Variants in TMEM135 observed in about 807,000 individuals in gnomAD.
TMEM135 encodes transmembrane protein 135.
TMEM135 carries 30 observed loss-of-function variants against 60.3 expected under a neutral mutation model. That is an observed-to-expected ratio of 0.50 (90% CI 0.37 to 0.68). The LOEUF (loss-of-function observed/expected upper bound fraction) is 0.68, where lower values mean the gene tolerates loss of function less well. Among genes scored for constraint, TMEM135 ranks in the 30% least tolerant of loss-of-function variants. The probability of loss-of-function intolerance (pLI) is 0.00; values close to 1 mark genes in which losing one functional copy is unlikely to be tolerated. For synonymous variants in TMEM135, 190 were observed against 186.7 expected, an observed-to-expected ratio of 1.02 and a Z score of -0.14; for missense variants, 468 against 548.8, an observed-to-expected ratio of 0.85 and a Z score of 1.47.
rs531908527 is a variant in TMEM135 at position 87,134,627 on chromosome 11, A to T, written c.397-22714A>T. ...CTCCTGAGTAGCTGGGACTGTAGGC[A>T]TGTGCCACCAGGCCTGGCTTATTTA... On this transcript the variant is annotated intron_variant, in intron 4 of 14. Coordinates refer to ENST00000305494, the MANE Select transcript of TMEM135 (RefSeq NM_022918.4). Among the ~76,000 whole-genome samples the T allele has an allele frequency of 1.4e-4, 21 of 152,236 alleles. No homozygotes were observed. The East Asian group carries it at 4.1e-3, about 29-fold the overall frequency.
At chr11:87,240,056 G>T (rs920375964) in intron 6 of TMEM135, among the ~76,000 whole-genome samples, 1 of 152,028 alleles carries the variant, frequency 6.6e-6, no homozygotes, top group Non-Finnish European at 1.5e-5. Context: ...AATGTGAAAT[G>T]CTTCAAGGCT....
At chr11:87,079,143 C>A (rs1334541524) in intron 3 of TMEM135, among the ~76,000 whole-genome samples, 1 of 152,052 alleles carries the variant, frequency 6.6e-6, no homozygotes, top group Non-Finnish European at 1.5e-5. Flanking sequence ...GTAGCTGGAA[C>A]TACAGGTGCA....
chr11:87,145,507 A>G (rs1338189008), intron 4 of TMEM135, among the ~76,000 whole-genome samples: 1 of 152,100 alleles, frequency 6.6e-6, no homozygotes, highest in Non-Finnish European at 1.5e-5. Flanking sequence ...AAACTTCTAT[A>G]CTTTTTTCCA....
intron 5 of TMEM135, among the ~76,000 whole-genome samples, chr11:87,196,056 A>G (rs1458423834): frequency 6.6e-6 from 1 of 152,110 alleles, no homozygotes; most frequent in Non-Finnish European, 1.5e-5. Context: ...TGGCAGTTAT[A>G]AACTTGTATG....
rs560925562 is a variant in TMEM135 at position 87,071,450 on chromosome 11, G to C, written c.270-73G>C. 2.0e-3 allele frequency: 2,259 copies of C among 1,139,484 alleles called. 7 individuals carry two copies. Among genetic ancestry groups the C allele is most frequent in the Non-Finnish European group, 2.6e-3 (1,982 of 750,546 alleles). The allele number at this position is 1,139,484 out of a possible 1,614,324, so 70.6% of individuals were successfully genotyped here. On this transcript the variant is annotated intron_variant, in intron 2 of 14. Coordinates refer to ENST00000305494, the MANE Select transcript of TMEM135 (RefSeq NM_022918.4). ...TTTAAATAGAGTATGGATGGAGAAG[G>C]GAAACTTCTATTCATAATAACTGAA...
At chr11:87,053,004 G>A (rs1450849602) in intron 1 of TMEM135, among the ~76,000 whole-genome samples, 1 of 124,348 alleles carries the variant, frequency 8.0e-6, no homozygotes, top group African/African-American at 3.2e-5. Context: ...ATGAGTTCAT[G>A]TCCTTTGTAG....
chr11:87,141,715 C>T (rs771725334), intron 4 of TMEM135, among the ~76,000 whole-genome samples: 1 of 151,980 alleles, frequency 6.6e-6, no homozygotes, highest in Non-Finnish European at 1.5e-5. Context: ...CTTGTCAAAT[C>T]AAGGAAGTTT....
At position 87,061,791 on chromosome 11, in the gene TMEM135, A is replaced by G. The variant is rs115720569; in HGVS notation, c.142-5903A>G. Among the ~76,000 whole-genome samples the G allele has an allele frequency of 1.7e-3, 257 of 152,306 alleles. 1 individual carries two copies. The highest frequency in any genetic ancestry group is 5.9e-3 in the African/African-American group (245 of 41,576). On this transcript the variant is annotated intron_variant, in intron 1 of 14. Transcript: ENST00000305494. ...AAACGGGAATAACAAGAGAATGTATATAGTGCTGATGGATGTTTAATAGTG... is the reference window on the plus strand; with the variant it reads ...AAACGGGAATAACAAGAGAATGTATGTAGTGCTGATGGATGTTTAATAGTG...
intron 13 of TMEM135, among the ~76,000 whole-genome samples, chr11:87,318,771 C>G (rs901288005): frequency 6.6e-6 from 1 of 151,608 alleles, no homozygotes; most frequent in Non-Finnish European, 1.5e-5. Flanking sequence ...ATGCTGCCAG[C>G]TTGAAAAACT....
chr11:87,295,781 G>A lies in TMEM135; in HGVS notation c.510-1G>A. On this transcript the variant is annotated splice_acceptor_variant, in intron 6 of 14. Coordinates refer to ENST00000305494, the MANE Select transcript of TMEM135 (RefSeq NM_022918.4). LOFTEE classifies it high-confidence loss of function. ...ATGATTGTAAATTCTTATTGTTTTA[G>A]GTGCAAGGATGGCTTGAAAGGATTT... is the stretch of plus-strand genomic sequence containing the variant. 1 of 1,603,414 alleles carries A rather than the reference G, an allele frequency of 6.2e-7. No individual in the cohort carries two copies. The highest frequency in any genetic ancestry group is 8.5e-7 in the Non-Finnish European group (1 of 1,173,210).
chr11:87,131,627 C>T (rs901789433), intron 4 of TMEM135, among the ~76,000 whole-genome samples: 30 of 150,988 alleles, frequency 2.0e-4, no homozygotes, highest in African/African-American at 7.0e-4. Flanking sequence ...GGGCTTTGGA[C>T]ATAGAATACC....
chr11:87,103,670 T>A (rs977181304), intron 4 of TMEM135, among the ~76,000 whole-genome samples: 3 of 152,066 alleles, frequency 2.0e-5, no homozygotes, highest in Admixed American at 6.6e-5. Context: ...TTGTCTCCTT[T>A]TTTTTTGAGA....
At chr11:87,169,379 G>T (rs897418008) in intron 5 of TMEM135, among the ~76,000 whole-genome samples, 7 of 151,228 alleles carry the variant, frequency 4.6e-5, no homozygotes, top group Admixed American at 4.6e-4. Flanking sequence ...ATTAGTTGAT[G>T]CAGTTTCTTC....
intron 5 of TMEM135, among the ~76,000 whole-genome samples, chr11:87,228,334 G>A (rs1454470208): frequency 2.6e-5 from 4 of 152,120 alleles, no homozygotes; most frequent in African/African-American, 9.7e-5. Flanking sequence ...TCCTGAATCC[G>A]GAGCTTACCT....
intron 6 of TMEM135, among the ~76,000 whole-genome samples, chr11:87,267,193 TTA>T (rs1941766961): frequency 6.6e-6 from 1 of 152,242 alleles, no homozygotes; most frequent in African/African-American, 2.4e-5. Flanking sequence ...AAAATGTGTG[TTA>T]TATTATTAAC....
chr11:87,242,289 G>A (rs999758535), intron 6 of TMEM135, among the ~76,000 whole-genome samples: 1 of 151,838 alleles, frequency 6.6e-6, no homozygotes, highest in Non-Finnish European at 1.5e-5. Context: ...CTTTGCTATT[G>A]TGAATAGTGC....
At chr11:87,231,049 T>C (rs559635618) in intron 5 of TMEM135, among the ~76,000 whole-genome samples, 57 of 152,132 alleles carry the variant, frequency 3.7e-4, no homozygotes, top group Admixed American at 1.5e-3. Flanking sequence ...CCCTGAGATA[T>C]AGGAAACAAA....
At chr11:87,212,839 A>AT (rs1469048440) in intron 5 of TMEM135, among the ~76,000 whole-genome samples, 17 of 151,856 alleles carry the variant, frequency 1.1e-4, no homozygotes, top group African/African-American at 3.9e-4. Flanking sequence ...AAAAAAAAAA[A>AT]AAAGAATACA....
intron 11 of TMEM135, 58 bp from the exon 12 acceptor site, chr11:87,314,413 C>A (rs956246761): frequency 7.1e-7 from 1 of 1,406,142 alleles, no homozygotes; most frequent in Non-Finnish European, 1.0e-6. Flanking sequence ...TTTCTGATGA[C>A]ATAATAACAA....
Sources: gnomAD v4.1 joint callset for allele counts (sites outside exome capture counted in the v4.1 genomes callset) on GRCh38, gnomAD v4.1.1 for gene constraint, MANE v1.5 for transcripts, NCBI Gene and HGNC (gene_info 2026-07-23, HGNC 2026-07-21) for gene names.